The following MRPL23 variants were observed in gnomAD, a reference collection of about 807,000 sequenced individuals.
The protein encoded by MRPL23 is mitochondrial ribosomal protein L23.
For missense variants in MRPL23, 25 were observed against 81.3 expected (o/e 0.31, Z 2.66); for synonymous variants, 12 against 34.8 (o/e 0.35, Z 2.30).
At chr11:1,993,567 A>C in the MRPL23 span, 1 of 78,606 alleles carries the variant, frequency 1.3e-5, no homozygotes, top group East Asian at 3.6e-4. Flanking sequence ...TGCCTGCCGC[A>C]CCCTGCAGCC....
intron 4 of MRPL23, among the ~76,000 whole-genome samples, chr11:1,968,538 CAGAT>C (rs1856573454): frequency 8.9e-6 from 1 of 112,660 alleles, no homozygotes; most frequent in South Asian, 4.3e-4. Context: ...ACCCCGAGGA[CAGAT>C]AGGGTGGCTG....
chr11:1,983,698 G>A (rs1197737726), intron 5 of MRPL23: 1 of 144,924 alleles, frequency 6.9e-6, no homozygotes, highest in Non-Finnish European at 1.5e-5. Context: ...TCCTCCTCCT[G>A]AGCTGTAAGG....
At chr11:1,992,312 G>A in the MRPL23 span, 9 of 98,482 alleles carry the variant, frequency 9.1e-5, 3 homozygotes, top group African/African-American at 2.4e-4. Flanking sequence ...GGGTGTGTAC[G>A]GCCCACAGAG....
chr11:1,960,088 C>G (rs184276792), downstream of MRPL23, among the ~76,000 whole-genome samples: 3 of 106,228 alleles, frequency 2.8e-5, 1 homozygote, highest in East Asian at 8.5e-4. Context: ...GTGCTCATAG[C>G]TGGACGGCCC....
chr11:1,988,729 T>C (rs937303794), downstream of MRPL23, among the ~76,000 whole-genome samples: 2 of 133,258 alleles, frequency 1.5e-5, no homozygotes, highest in Admixed American at 1.5e-4. Context: ...GCCTAGAGCT[T>C]CCTCCACGTA....
chr11:1,960,061 C>T (rs555487126), downstream of MRPL23, among the ~76,000 whole-genome samples: 3 of 114,148 alleles, frequency 2.6e-5, 1 homozygote, highest in Admixed American at 1.1e-4. Flanking sequence ...GGAGGGCCCT[C>T]GGGACCGCAC....
At position 1,951,678 on chromosome 11, in the gene MRPL23, T is replaced by A. The variant is rs185624464; in HGVS notation, c.141-449T>A. Reference sequence around the variant, plus strand: ...CCAGGCAGGCCTTTCCAGAAGGTACTTCCTAGAACCGCATCAGTCCCATCA... The same window carrying A: ...CCAGGCAGGCCTTTCCAGAAGGTACATCCTAGAACCGCATCAGTCCCATCA... On this transcript the variant is annotated intron_variant, in intron 2 of 4. Coordinates refer to ENST00000397298, the MANE Select transcript of MRPL23 (RefSeq NM_021134.4). Among the ~76,000 whole-genome samples the A allele has an allele frequency of 2.2e-3, 205 of 95,296 alleles. 48 individuals carry two copies. Among genetic ancestry groups the A allele is most frequent in the African/African-American group, 9.1e-3 (197 of 21,672 alleles). The allele number at this position is 95,296 out of a possible 152,430, so 62.5% of individuals were successfully genotyped here. A position where few individuals can be genotyped will look rare whatever the true frequency, so the allele number is the denominator to read the frequency against.
chr11:1,991,724 C>A, the MRPL23 span, among the ~76,000 whole-genome samples: 1 of 126,358 alleles, frequency 7.9e-6, no homozygotes, highest in Non-Finnish European at 1.8e-5. Context: ...GGCCCCCGCC[C>A]GGACCCACTG....
downstream of MRPL23, among the ~76,000 whole-genome samples, chr11:1,975,088 A>AG (rs1172470068): frequency 6.9e-6 from 1 of 144,544 alleles, no homozygotes; most frequent in Admixed American, 7.0e-5. Flanking sequence ...GGCCGTCCTG[A>AG]GCTGGACAGC....
chr11:1,988,873 G>A (rs1005107188), downstream of MRPL23, among the ~76,000 whole-genome samples: 1 of 145,926 alleles, frequency 6.9e-6, no homozygotes, highest in Non-Finnish European at 1.5e-5. Context: ...GAGGCAGGGC[G>A]GGGGCGGCCA....
rs1856419827 is a variant in MRPL23, at chr11:1,956,584, TCTTGCTGCAGGAGAAA to T, written c.*165_*180del. On this transcript the variant is annotated 3_prime_UTR_variant, in exon 5 of 5. Transcript: ENST00000397298. Reference sequence around the variant, plus strand: ...AGCAGTCCCGACACCTAAATAAAAGTCTTGCTGCAGGAGAAAGAGCCGGAAGCTCTGCTTCCTTCTT... The same window carrying T: ...AGCAGTCCCGACACCTAAATAAAAGTGAGCCGGAAGCTCTGCTTCCTTCTT... The T allele has an allele frequency of 5.2e-6, 1 of 192,448 alleles. No homozygotes were observed. The highest frequency in any genetic ancestry group is 8.4e-6 in the Non-Finnish European group (1 of 118,398). The allele number at this position is 192,448 out of a possible 1,614,324, so 11.9% of individuals were successfully genotyped here. A position where few individuals can be genotyped will look rare whatever the true frequency, so the allele number is the denominator to read the frequency against.
intron 4 of MRPL23, among the ~76,000 whole-genome samples, chr11:1,971,264 C>T (rs1856607318): frequency 9.1e-6 from 1 of 109,364 alleles, no homozygotes; most frequent in Non-Finnish European, 2.3e-5. Context: ...CACCCAGCGC[C>T]CCTCCACCTT....
chr11:1,988,991 C>T (rs1856845466), downstream of MRPL23, among the ~76,000 whole-genome samples: 1 of 141,388 alleles, frequency 7.1e-6, no homozygotes, highest in Non-Finnish European at 1.6e-5. Context: ...GAGACAGTCC[C>T]CAGCCCCTGG....
the MRPL23 span, among the ~76,000 whole-genome samples, chr11:1,992,486 G>A: frequency 5.8e-5 from 3 of 51,426 alleles, no homozygotes; most frequent in African/African-American, 1.3e-4. Context: ...TGAAGACCTC[G>A]GTGCCTAACA....
chr11:1,971,168 C>G (rs1201803035), intron 4 of MRPL23, among the ~76,000 whole-genome samples: 2 of 141,338 alleles, frequency 1.4e-5, no homozygotes, highest in African/African-American at 4.9e-5. Context: ...GCCGCTCCAG[C>G]CCATACTTCT....
At chr11:1,971,262 GC>G (rs1247264946) in intron 4 of MRPL23, among the ~76,000 whole-genome samples, 2 of 108,310 alleles carry the variant, frequency 1.8e-5, no homozygotes, top group African/African-American at 5.3e-5. Flanking sequence ...TCCACCCAGC[GC>G]CCCTCCACCT....
the MRPL23 span, among the ~76,000 whole-genome samples, chr11:1,991,706 C>T: frequency 3.0e-3 from 385 of 129,120 alleles, 25 homozygotes; most frequent in Non-Finnish European, 5.4e-3. Flanking sequence ...GTTGGGAGGG[C>T]CGAGGAGGGC....
At chr11:1,957,119 T>TC (rs934307727), downstream of MRPL23, among the ~76,000 whole-genome samples, 123 of 5,434 alleles carry the variant, frequency 0.023, 56 homozygotes, top group African/African-American at 0.024. Flanking sequence ...CGGGAAGGGA[T>TC]CCGAGGGCAG....
intron 5 of MRPL23, among the ~76,000 whole-genome samples, chr11:1,979,254 G>T (rs1249093874): frequency 1.4e-5 from 2 of 146,616 alleles, no homozygotes; most frequent in East Asian, 4.0e-4. Flanking sequence ...GTGGGAGAGG[G>T]CGTCACAGCC....
Sources: allele counts gnomAD v4.1 joint callset (sites outside exome capture counted in the v4.1 genomes callset), GRCh38; gene constraint gnomAD v4.1.1; transcripts MANE v1.5; gene names NCBI Gene and HGNC (gene_info 2026-07-23, HGNC 2026-07-21).